The following ABHD17C variants were observed in gnomAD, a reference collection of about 807,000 sequenced individuals.
ABHD17C encodes the protein alpha/beta hydrolase domain-containing protein 17C.
In ABHD17C, 11 loss-of-function variants were observed where a neutral mutation model predicts 27.9. The observed-to-expected ratio is 0.39, with a 90% confidence interval of 0.25 to 0.65. ABHD17C has a LOEUF of 0.65. Ranked by LOEUF, ABHD17C falls within the 30% of genes least tolerant of loss-of-function variation. The pLI is 0.45. For synonymous variants in ABHD17C, 233 were observed against 209.1 expected (o/e 1.11, Z -0.98); for missense variants, 280 against 470.2 (o/e 0.60, Z 3.74).
chr15:80,710,662 C>T lies in ABHD17C; in HGVS notation c.590+14643C>T, dbSNP rs144374351. ...TGGTGAAGGGGAGTGTCAAGGATAA[C>T]GCCAAGGATTTTGGCTTGAGAAACA... is the stretch of plus-strand genomic sequence containing the variant. On this transcript the variant is annotated intron_variant, in intron 1 of 2. Coordinates refer to ENST00000258884, the MANE Select transcript of ABHD17C (RefSeq NM_021214.2). 9.7e-4 allele frequency among the ~76,000 whole-genome samples: 147 copies of T among 152,256 alleles called. 1 individual carries two copies. The South Asian group carries it at 0.02, about 20-fold the overall frequency.
intron 2 of ABHD17C, among the ~76,000 whole-genome samples, chr15:80,750,998 C>G (rs956052859): frequency 6.6e-6 from 1 of 151,666 alleles, no homozygotes; most frequent in Admixed American, 6.6e-5. Context: ...TCTGGTATGG[C>G]AGGTATCGGG....
At chr15:80,721,698 G>T (rs1317171476) in intron 1 of ABHD17C, among the ~76,000 whole-genome samples, 1 of 152,130 alleles carries the variant, frequency 6.6e-6, no homozygotes, top group African/African-American at 2.4e-5. Flanking sequence ...GGAAAGATTG[G>T]GTAACCAGGT....
intron 1 of ABHD17C, among the ~76,000 whole-genome samples, chr15:80,714,696 G>T (rs1391435483): frequency 6.6e-6 from 1 of 152,034 alleles, no homozygotes; most frequent in Non-Finnish European, 1.5e-5. Flanking sequence ...AATTTCTGTG[G>T]ATTTTGTAGT....
chr15:80,734,906 C>CA (rs1407000004), intron 1 of ABHD17C, among the ~76,000 whole-genome samples: 1 of 152,232 alleles, frequency 6.6e-6, no homozygotes, highest in Non-Finnish European at 1.5e-5. Flanking sequence ...CATTGATTAG[C>CA]AGGTATTTCA....
At chr15:80,703,649 G>A (rs531980045) in intron 1 of ABHD17C, among the ~76,000 whole-genome samples, 5 of 152,206 alleles carry the variant, frequency 3.3e-5, no homozygotes, top group Non-Finnish European at 5.9e-5. Flanking sequence ...ATGAGTGTGC[G>A]TGTGTGCACA....
At chr15:80,698,828 C>G (rs914706761) in intron 1 of ABHD17C, among the ~76,000 whole-genome samples, 1 of 152,242 alleles carries the variant, frequency 6.6e-6, no homozygotes, top group African/African-American at 2.4e-5. Context: ...CAGCCATCCC[C>G]CATGTCTTCT....
At chr15:80,743,629 CTG>C (rs909715215) in intron 1 of ABHD17C, among the ~76,000 whole-genome samples, 4 of 152,140 alleles carry the variant, frequency 2.6e-5, no homozygotes, top group African/African-American at 9.7e-5. Flanking sequence ...ATCGCCCAGA[CTG>C]GAGTGCAGTG....
intron 1 of ABHD17C, among the ~76,000 whole-genome samples, chr15:80,696,601 G>A (rs555133813): frequency 1.3e-5 from 2 of 152,122 alleles, no homozygotes. Flanking sequence ...GGCACTGTGG[G>A]GCAGGAAGTT....
intron 1 of ABHD17C, among the ~76,000 whole-genome samples, chr15:80,721,861 G>A (rs772741159): frequency 6.6e-6 from 1 of 151,932 alleles, no homozygotes; most frequent in Admixed American, 6.5e-5. Context: ...AGGGAAGGAG[G>A]CCCCCCAGTG....
chr15:80,696,856 C>G (rs964911415), intron 1 of ABHD17C, among the ~76,000 whole-genome samples: 1 of 152,170 alleles, frequency 6.6e-6, no homozygotes, highest in Non-Finnish European at 1.5e-5. Flanking sequence ...AGACAAAAGT[C>G]TTATACATGT....
intron 1 of ABHD17C, among the ~76,000 whole-genome samples, chr15:80,718,705 T>C (rs1894844592): frequency 6.6e-6 from 1 of 152,196 alleles, no homozygotes; most frequent in Admixed American, 6.5e-5. Flanking sequence ...ATATTCAATC[T>C]TGGTTTTTAG....
chr15:80,695,513 C>A lies in ABHD17C; in HGVS notation c.84C>A (p.Arg28=). 7.2e-7 allele frequency: 1 copy of A among 1,381,268 alleles called. No homozygotes were observed. The highest frequency in any genetic ancestry group is 9.5e-7 in the Non-Finnish European group (1 of 1,055,910). 85.6% of individuals were successfully genotyped at this position (1,381,268 alleles called of 1,614,324 possible). Residue 28 remains arginine, a synonymous_variant, in exon 1 of 3, where the codon CGC becomes CGA. Coordinates refer to ENST00000258884, the MANE Select transcript of ABHD17C (RefSeq NM_021214.2). This position sits in a 1 kb window ranked among gnomAD's most constrained non-coding sequence, Gnocchi z 4.3. Reference sequence around the variant, plus strand: ...TCTGCTGCCCGCCCTGCCCGAGCCGCATCGCCGCCAAGCTGGCCTTCCTGC... The same window carrying A: ...TCTGCTGCCCGCCCTGCCCGAGCCGAATCGCCGCCAAGCTGGCCTTCCTGC... ...WLFCCPPCPS[R]IAAKLAFLPP...
chr15:80,751,205 A>AT (rs34713824), intron 2 of ABHD17C, among the ~76,000 whole-genome samples: 56,637 of 151,234 alleles, frequency 0.37, 11,854 homozygotes, highest in Non-Finnish European at 0.48. Flanking sequence ...CAAAAAAAAA[A>AT]AATAATTAGA....
chr15:80,705,207 A>C (rs879325536), intron 1 of ABHD17C: 2 of 152,042 alleles, frequency 1.3e-5, no homozygotes, highest in Admixed American at 1.3e-4. Context: ...TTAATGATTT[A>C]ATTCTTCATT....
At chr15:80,742,262 T>A (rs1269783102) in intron 1 of ABHD17C, among the ~76,000 whole-genome samples, 3 of 152,006 alleles carry the variant, frequency 2.0e-5, no homozygotes, top group Non-Finnish European at 4.4e-5. Flanking sequence ...TTCATCCCAG[T>A]CCAAAGGCCT....
chr15:80,715,482 G>A (rs1330995795), intron 1 of ABHD17C, among the ~76,000 whole-genome samples: 2 of 152,114 alleles, frequency 1.3e-5, no homozygotes, highest in African/African-American at 4.8e-5. Flanking sequence ...GAATATAGTA[G>A]GATTGTTATT....
At chr15:80,726,171 C>T (rs1319337511) in intron 1 of ABHD17C, among the ~76,000 whole-genome samples, 1 of 152,224 alleles carries the variant, frequency 6.6e-6, no homozygotes, top group African/African-American at 2.4e-5. Flanking sequence ...ATCGCTCATG[C>T]TATTGTTTGT....
At chr15:80,732,853 A>G (rs1285843296) in intron 1 of ABHD17C, among the ~76,000 whole-genome samples, 1 of 152,224 alleles carries the variant, frequency 6.6e-6, no homozygotes, top group Non-Finnish European at 1.5e-5. Flanking sequence ...TAAGTGGGCC[A>G]GCATTCAGGT....
chr15:80,737,879 G>A (rs909632190), intron 1 of ABHD17C, among the ~76,000 whole-genome samples: 11 of 152,150 alleles, frequency 7.2e-5, no homozygotes, highest in African/African-American at 2.4e-5. Context: ...TAGTCGGATG[G>A]GGCTAGATTG....
Sources: allele counts gnomAD v4.1 joint callset (sites outside exome capture counted in the v4.1 genomes callset), GRCh38; gene constraint gnomAD v4.1.1; non-coding constraint Gnocchi (gnomAD v3.1); transcripts MANE v1.5; gene names NCBI Gene and HGNC (gene_info 2026-07-23, HGNC 2026-07-21).